Variants in GPR137C observed in about 807,000 individuals in gnomAD.
The protein encoded by GPR137C is integral membrane protein GPR137C.
GPR137C carries 27 observed loss-of-function variants against 43.4 expected under a neutral mutation model. The observed-to-expected ratio is 0.62, with a 90% CI of 0.46 to 0.86. The LOEUF is 0.86. Ranked by LOEUF, GPR137C falls within the 40% of genes least tolerant of loss-of-function variation. GPR137C has a pLI of 0.00. For synonymous variants in GPR137C, 285 were observed against 226.9 expected (o/e 1.26, Z -2.30); for missense variants, 522 against 534.6 (o/e 0.98, Z 0.23).
chr14:52,553,721 T>A, intron 1 of GPR137C, 130 bp downstream of exon 1: 1 of 762,172 alleles, frequency 1.3e-6, no homozygotes, highest in Non-Finnish European at 2.1e-6. Context: ...CTGGGGAAAC[T>A]GAGGCACACC....
At position 52,586,623 on chromosome 14, in the gene GPR137C, A is replaced by G. The variant is rs535893821; in HGVS notation, c.445-11649A>G. On this transcript the variant is annotated intron_variant, in intron 1 of 6. Transcript: ENST00000321662. ...ACTCTTGTGCTTTCTAATTGTGACT[A>G]TTAAATGTGAACATATCACAGGTTG... Among the ~76,000 whole-genome samples, 12 of 152,228 alleles carry G rather than the reference A, an allele frequency of 7.9e-5. No homozygotes were observed. The East Asian group carries it at 1.2e-3, about 15-fold the overall frequency.
rs1209157436 is a variant in GPR137C at position 52,637,647 on chromosome 14, T to C, written c.*2532T>C. 1 of 152,184 alleles carries C rather than the reference T, an allele frequency of 6.6e-6. No individual in the cohort carries two copies. Among genetic ancestry groups the C allele is most frequent in the Non-Finnish European group, 1.5e-5 (1 of 68,022 alleles). The allele number at this position is 152,184 out of a possible 1,614,324, so 9.4% of individuals were successfully genotyped here. ...AGTATAGCTGTGGCCAATGAATGTA[T>C]TTATTTGTTGTTTCACTAAATTGTA... is the stretch of plus-strand genomic sequence containing the variant. On this transcript the variant is annotated 3_prime_UTR_variant, in exon 7 of 7. Transcript: ENST00000321662.
At chr14:52,598,688 A>C (rs1156638564) in intron 2 of GPR137C, among the ~76,000 whole-genome samples, 2 of 152,222 alleles carry the variant, frequency 1.3e-5, no homozygotes, top group East Asian at 3.9e-4. Flanking sequence ...AGTACTGATC[A>C]ATCTCAATAG....
intron 1 of GPR137C, among the ~76,000 whole-genome samples, chr14:52,572,590 A>C (rs1289237303): frequency 1.3e-5 from 2 of 152,228 alleles, no homozygotes; most frequent in Non-Finnish European, 2.9e-5. Context: ...TATTGTTGGA[A>C]TACTTCTCAA....
chr14:52,582,568 C>G (rs576228756), intron 1 of GPR137C, among the ~76,000 whole-genome samples: 4 of 152,164 alleles, frequency 2.6e-5, no homozygotes, highest in African/African-American at 9.7e-5. Context: ...CCAAGGCGGG[C>G]AGATCACCTG....
At chr14:52,591,357 C>T (rs1265343416) in intron 1 of GPR137C, among the ~76,000 whole-genome samples, 2 of 152,090 alleles carry the variant, frequency 1.3e-5, no homozygotes, top group Non-Finnish European at 1.5e-5. Context: ...GTAATGGGAT[C>T]GCTGGGTCAA....
chr14:52,581,397 A>G (rs558590407), intron 1 of GPR137C, among the ~76,000 whole-genome samples: 57 of 150,256 alleles, frequency 3.8e-4, no homozygotes, highest in African/African-American at 1.3e-3. Context: ...ATAGCTGGGC[A>G]TGGTGATGCA....
chr14:52,581,166 A>G (rs191508360), intron 1 of GPR137C, among the ~76,000 whole-genome samples: 104 of 148,892 alleles, frequency 7.0e-4, no homozygotes, highest in African/African-American at 2.5e-3. Flanking sequence ...ACTGCACTCC[A>G]GCCTCGGTGA....
chr14:52,585,608 T>G (rs1594791094), intron 1 of GPR137C, among the ~76,000 whole-genome samples: 1 of 151,052 alleles, frequency 6.6e-6, no homozygotes, highest in African/African-American at 2.4e-5. Context: ...CCAAGGCGGG[T>G]GGATCACTTG....
chr14:52,605,203 C>G (rs991132945), intron 3 of GPR137C, among the ~76,000 whole-genome samples: 2 of 152,036 alleles, frequency 1.3e-5, no homozygotes, highest in East Asian at 1.9e-4. Context: ...GGATGTCTTT[C>G]CATTTTTTGT....
At chr14:52,565,461 A>G (rs1283033449) in intron 1 of GPR137C, among the ~76,000 whole-genome samples, 2 of 152,216 alleles carry the variant, frequency 1.3e-5, no homozygotes, top group Non-Finnish European at 2.9e-5. Flanking sequence ...AAATGTGTAG[A>G]AAGTACCATA....
rs969119649 is a variant in GPR137C at position 52,553,225 on chromosome 14, C to A, written c.78C>A (p.Gly26=). 1 of 1,285,552 alleles carries A rather than the reference C, an allele frequency of 7.8e-7. No homozygotes were observed. Among genetic ancestry groups the A allele is most frequent in the South Asian group, 2.5e-5 (1 of 40,340 alleles). 79.6% of individuals were successfully genotyped at this position (1,285,552 alleles called of 1,614,324 possible). A position where few individuals can be genotyped will look rare whatever the true frequency, so the allele number is the denominator to read the frequency against. ...GCGAGCCCTCCACGCCCGGCGGGGG[C>A]AGCGGAGGCGGAGGCGCCGTCGCTG... ...AGREPSTPGG[G]SGGGGAVAAA... is the part of the protein sequence containing the mutation. Residue 26 remains glycine (G), a synonymous_variant, in exon 1 of 7, where the codon GGC becomes GGA. Coordinates refer to ENST00000321662, the MANE Select transcript of GPR137C (RefSeq NM_001099652.2).
intron 1 of GPR137C, among the ~76,000 whole-genome samples, chr14:52,559,282 G>C (rs1848510142): frequency 1.3e-5 from 2 of 151,768 alleles, no homozygotes; most frequent in African/African-American, 2.4e-5. Flanking sequence ...AAGAGAGAGA[G>C]AAGGCAGGAG....
rs1159600856 is a variant in GPR137C at position 52,637,590 on chromosome 14, A to G, written c.*2475A>G. 1 of 152,160 alleles carries G rather than the reference A, an allele frequency of 6.6e-6. No individual in the cohort carries two copies. Among genetic ancestry groups the G allele is most frequent in the Non-Finnish European group, 1.5e-5 (1 of 68,026 alleles). The allele number at this position is 152,160 out of a possible 1,614,324, so 9.4% of individuals were successfully genotyped here. On this transcript the variant is annotated 3_prime_UTR_variant, in exon 7 of 7. Transcript: ENST00000321662. ...TTTTTATTGTTTAACAGTGTTTCTC[A>G]GCTATATAATCAGTTTCAAACTGGT...
chr14:52,611,020 T>C (rs923820276), intron 3 of GPR137C, among the ~76,000 whole-genome samples: 6 of 152,190 alleles, frequency 3.9e-5, no homozygotes, highest in Non-Finnish European at 5.9e-5. Flanking sequence ...TAAATTCTTA[T>C]TGGATTTTGC....
chr14:52,554,984 C>T (rs1057152295), intron 1 of GPR137C, among the ~76,000 whole-genome samples: 5 of 151,888 alleles, frequency 3.3e-5, no homozygotes, highest in Non-Finnish European at 5.9e-5. Flanking sequence ...TCAAATGATG[C>T]CATAGTCGTG....
chr14:52,602,100 T>C (rs1190401710), intron 3 of GPR137C, among the ~76,000 whole-genome samples: 1 of 151,118 alleles, frequency 6.6e-6, no homozygotes, highest in African/African-American at 2.4e-5. Context: ...TTGTTTAATA[T>C]TGTAATGTTA....
chr14:52,631,953 CAAAAAA>C (rs35962083), intron 3 of GPR137C, among the ~76,000 whole-genome samples: 1 of 128,960 alleles, frequency 7.8e-6, no homozygotes, highest in Non-Finnish European at 1.7e-5. Context: ...GGCAAGTTGG[CAAAAAA>C]AAAAAAAAAA....
At chr14:52,634,131 C>G (rs2039325564) in intron 6 of GPR137C, among the ~76,000 whole-genome samples, 185 bp downstream of exon 6, 1 of 152,122 alleles carries the variant, frequency 6.6e-6, no homozygotes, top group African/African-American at 2.4e-5. Flanking sequence ...TTATCAGGAA[C>G]TACCATTTGA....
Sources: allele counts gnomAD v4.1 joint callset (sites outside exome capture counted in the v4.1 genomes callset), GRCh38; gene constraint gnomAD v4.1.1; transcripts MANE v1.5; gene names NCBI Gene and HGNC (gene_info 2026-07-23, HGNC 2026-07-21).